Variants in METTL9 observed in about 807,000 individuals in gnomAD.
The protein encoded by METTL9 is methyltransferase 9, His-X-His N1(pi)-histidine.
Under a neutral mutation model 36.0 loss-of-function variants are expected in METTL9, and 10 were observed. The observed-to-expected ratio is 0.28, with a 90% CI of 0.17 to 0.47. The LOEUF is 0.47. METTL9 is among the 20% of genes least tolerant of loss of function. The probability of loss-of-function intolerance (pLI) is 0.99; values close to 1 mark genes in which losing one functional copy is unlikely to be tolerated. For synonymous variants in METTL9, 175 were observed against 149.7 expected (o/e 1.17, Z -1.23); for missense variants, 246 against 383.5 (o/e 0.64, Z 3.00).
intron 4 of METTL9, chr16:21,644,410 A>G (rs768329725): frequency 7.7e-6 from 12 of 1,563,606 alleles, no homozygotes; most frequent in Non-Finnish European, 1.1e-5. Flanking sequence ...AATGACAAAA[A>G]CAGAAAGAAG....
chr16:21,626,884 G>T (rs1213758358), intron 4 of METTL9: 1 of 895,786 alleles, frequency 1.1e-6, no homozygotes, highest in Non-Finnish European at 1.3e-6. Flanking sequence ...AGAGCAGGGG[G>T]AAGAAACATC....
chr16:21,597,370 T>A (rs151312916), upstream of METTL9: 11 of 1,025,492 alleles, frequency 1.1e-5, no homozygotes, highest in African/African-American at 1.7e-5. Context: ...GGTTTCTTCC[T>A]GTGCCTGCTA....
chr16:21,624,892 G>A, intron 3 of METTL9, 39 bp from the exon 4 acceptor site: 2 of 1,565,604 alleles, frequency 1.3e-6, no homozygotes, highest in Non-Finnish European at 1.8e-6. Context: ...TGTCTTTAGA[G>A]GGACTTTATG....
chr16:21,634,299 C>T (rs555325048), intron 4 of METTL9, among the ~76,000 whole-genome samples: 8 of 152,232 alleles, frequency 5.3e-5, no homozygotes, highest in South Asian at 4.1e-4. Flanking sequence ...GCGCTTGCCC[C>T]GGGCACCCTC....
At chr16:21,597,472 T>C (rs538918924), upstream of METTL9, among the ~76,000 whole-genome samples, 23 of 152,294 alleles carry the variant, frequency 1.5e-4, no homozygotes, top group African/African-American at 5.5e-4. Context: ...GCTGCTCAGA[T>C]ATAAAACAAA....
chr16:21,600,877 C>T (rs1023821202), intron 1 of METTL9, among the ~76,000 whole-genome samples: 1 of 152,080 alleles, frequency 6.6e-6, no homozygotes, highest in Non-Finnish European at 1.5e-5. Flanking sequence ...ATTAATTATT[C>T]CCTATATCAT....
chr16:21,602,721 A>G, intron 1 of METTL9, among the ~76,000 whole-genome samples: 1 of 151,192 alleles, frequency 6.6e-6, no homozygotes, highest in Non-Finnish European at 1.5e-5. Flanking sequence ...GCAGTGGCCC[A>G]ATTTTGGTTC....
rs1216993228 is a variant in METTL9, at chr16:21,656,744, C to T, written c.*1312C>T. On this transcript the variant is annotated 3_prime_UTR_variant, in exon 5 of 5. Coordinates refer to ENST00000358154, the MANE Select transcript of METTL9 (RefSeq NM_016025.5). ...AGAAGTCATCAGATCAACACATTCA[C>T]TCCAACACCTGGGTATAAAGGCGAA... 6.6e-6 allele frequency: 1 copy of T among 152,176 alleles called. No individual in the cohort carries two copies. The highest frequency in any genetic ancestry group is 6.5e-5 in the Admixed American group (1 of 15,278). The allele number at this position is 152,176 out of a possible 1,614,324, so 9.4% of individuals were successfully genotyped here.
intron 1 of METTL9, 149 bp from the exon 2 acceptor site, chr16:21,612,496 C>A (rs1157418237): frequency 2.8e-6 from 2 of 707,552 alleles, no homozygotes; most frequent in South Asian, 5.5e-5. Flanking sequence ...TATGAGTATA[C>A]GAAATGATTA....
intron 4 of METTL9, among the ~76,000 whole-genome samples, chr16:21,649,868 C>G (rs537942105): frequency 6.6e-6 from 1 of 152,200 alleles, no homozygotes; most frequent in African/African-American, 2.4e-5. Flanking sequence ...ACCACCACGC[C>G]TGGCTAATTT....
intron 4 of METTL9, chr16:21,641,422 T>A: frequency 2.0e-6 from 1 of 511,640 alleles, no homozygotes; most frequent in Non-Finnish European, 3.5e-6. Context: ...TAGCCAGTTG[T>A]CTTTTCAGTT....
chr16:21,607,462 C>T (rs1262617767), intron 1 of METTL9, among the ~76,000 whole-genome samples: 1 of 152,156 alleles, frequency 6.6e-6, no homozygotes, highest in East Asian at 1.9e-4. Flanking sequence ...GTGGCAGCCA[C>T]CTGATTTGGC....
intron 4 of METTL9, chr16:21,643,418 A>G (rs1220796722): frequency 1.5e-6 from 1 of 646,604 alleles, no homozygotes; most frequent in Admixed American, 3.0e-5. Context: ...TAGTGTCTGC[A>G]GTTGAAAGTT....
At chr16:21,630,944 C>A (rs966936252) in intron 4 of METTL9, among the ~76,000 whole-genome samples, 2 of 152,134 alleles carry the variant, frequency 1.3e-5, no homozygotes, top group African/African-American at 4.8e-5. Context: ...CTCGTACTAT[C>A]CCTGCCTGGT....
chr16:21,618,557 A>G (rs1437123287), intron 3 of METTL9, among the ~76,000 whole-genome samples: 1 of 152,164 alleles, frequency 6.6e-6, no homozygotes, highest in Non-Finnish European at 1.5e-5. Flanking sequence ...AACCCCTGAC[A>G]ACCACCATTC....
At chr16:21,623,293 G>C (rs1345022711) in intron 3 of METTL9, among the ~76,000 whole-genome samples, 7 of 152,148 alleles carry the variant, frequency 4.6e-5, no homozygotes, top group African/African-American at 1.2e-4. Context: ...AGATTGAAAA[G>C]AAAATGCAGC....
In METTL9 at chr16:21,599,592, C is replaced by G; in HGVS notation, c.-142C>G. The stretch of plus-strand genomic sequence containing the variant: ...CCGGCTGCTCCTCCCCACCCCCAGC[C>G]TTTGCCCTGAAGGGGGCTGGATGGG... On this transcript the variant is annotated 5_prime_UTR_variant, in exon 1 of 5. Coordinates refer to ENST00000358154, the MANE Select transcript of METTL9 (RefSeq NM_016025.5). This position sits in a 1 kb window ranked among gnomAD's most constrained non-coding sequence, Gnocchi z 4.4. 4 of 1,310,480 alleles carry G rather than the reference C, an allele frequency of 3.1e-6. 1 individual carries two copies. Among genetic ancestry groups the G allele is most frequent in the South Asian group, 2.1e-5 (1 of 47,374 alleles). 81.2% of individuals were successfully genotyped at this position (1,310,480 alleles called of 1,614,324 possible).
intron 4 of METTL9, chr16:21,627,265 C>T: frequency 2.0e-6 from 2 of 985,244 alleles, no homozygotes; most frequent in Non-Finnish European, 2.4e-6. Flanking sequence ...TGGAGGATAT[C>T]TGAGTGTGCT....
chr16:21,622,160 T>TTTTTTTTTTTTTTTTTTTTTTTTTC (rs1965719145), intron 3 of METTL9, among the ~76,000 whole-genome samples: 1 of 137,496 alleles, frequency 7.3e-6, no homozygotes, highest in African/African-American at 2.8e-5. Flanking sequence ...TTTTTTTTTT[T>TTTTTTTTTTTTTTTTTTTTTTTTTC]TTGAGACAGG....
Sources: allele counts gnomAD v4.1 joint callset (sites outside exome capture counted in the v4.1 genomes callset), GRCh38; gene constraint gnomAD v4.1.1; non-coding constraint Gnocchi (gnomAD v3.1); transcripts MANE v1.5; gene names NCBI Gene and HGNC (gene_info 2026-07-23, HGNC 2026-07-21).